The following SNIP1 variants were observed in gnomAD, a reference collection of about 807,000 sequenced individuals.
The protein encoded by SNIP1 is Smad nuclear interacting protein 1.
In SNIP1, 23 loss-of-function variants were observed where a neutral mutation model predicts 37.4. The observed-to-expected ratio is 0.61, with a 90% confidence interval of 0.44 to 0.87. SNIP1 has a LOEUF of 0.87. SNIP1 is among the 40% of genes least tolerant of loss of function. SNIP1 has a pLI of 0.00. For synonymous variants in SNIP1, 174 were observed against 200.0 expected (o/e 0.87, Z 1.10); for missense variants, 459 against 540.4 (o/e 0.85, Z 1.49).
In SNIP1 at chr1:37,537,820, C is replaced by T. The variant is rs570205503; in HGVS notation, c.1119G>A (p.Ser373=). The T allele has an allele frequency of 4.2e-5, 68 of 1,614,180 alleles. 1 individual carries two copies. Among genetic ancestry groups the T allele is most frequent in the African/African-American group, 3.3e-4 (25 of 75,052 alleles). The change falls in exon 4 of 4, where the codon TCG becomes TCA. Residue 373 remains serine, a synonymous_variant. Transcript: ENST00000296215. Reference sequence around the variant, plus strand: ...TCCTGTCTATTTCAGAAGTGTCCGACGACTCATGGAGCAAGACGTATTCTC... The same window carrying T: ...TCCTGTCTATTTCAGAAGTGTCCGATGACTCATGGAGCAAGACGTATTCTC... ...SSREYVLLHE[S]SDTSEIDRKD... is the part of the protein sequence containing the mutation.
At position 37,535,280 on chromosome 1, in the gene SNIP1, T is replaced by C. The variant is rs1386662426; in HGVS notation, c.*2468A>G. 4 of 127,468 alleles carry C rather than the reference T, an allele frequency of 3.1e-5. No individual in the cohort carries two copies. Among genetic ancestry groups the C allele is most frequent in the Admixed American group, 2.4e-4 (3 of 12,540 alleles). The allele number at this position is 127,468 out of a possible 1,614,324, so 7.9% of individuals were successfully genotyped here. On this transcript the variant is annotated 3_prime_UTR_variant, in exon 4 of 4. Transcript: ENST00000296215. Reference sequence around the variant, plus strand: ...GGTGACAGGTGCCTGTAGTCCCAGCTACTTGGGAGGCTGAGGCAGGAGAAT... The same window carrying C: ...GGTGACAGGTGCCTGTAGTCCCAGCCACTTGGGAGGCTGAGGCAGGAGAAT...
intron 3 of SNIP1, among the ~76,000 whole-genome samples, chr1:37,538,598 A>G (rs1309659591): frequency 6.6e-6 from 1 of 152,044 alleles, no homozygotes. Flanking sequence ...GCAGAATCCA[A>G]TGTCTCTTGC....
chr1:37,544,688 T>C, intron 2 of SNIP1: 1 of 570,846 alleles, frequency 1.8e-6, no homozygotes, highest in Non-Finnish European at 3.3e-6. Flanking sequence ...CACTGGGCCC[T>C]CTGACTGTCC....
chr1:37,552,870 A>G, intron 1 of SNIP1, 123 bp from the exon 2 acceptor site: 1 of 775,550 alleles, frequency 1.3e-6, no homozygotes, highest in Non-Finnish European at 2.3e-6. Context: ...TGCCGGTCAC[A>G]TTAAAGGAGT....
rs950749390 is a variant in SNIP1, at chr1:37,537,778, C to T, written c.1161G>A (p.Glu387=). ...SEIDRKDDED[E]EEEEEVSDS is the part of the protein sequence containing the mutation. Reference sequence around the variant, plus strand: ...TGTCAGACACTTCTTCCTCCTCCTCCTCATCCTCGTCATCTTTCCTGTCTA... The same window carrying T: ...TGTCAGACACTTCTTCCTCCTCCTCTTCATCCTCGTCATCTTTCCTGTCTA... Residue 387 remains glutamate, a synonymous_variant, in exon 4 of 4, where the codon GAG becomes GAA. Transcript: ENST00000296215. 2.5e-6 allele frequency: 4 copies of T among 1,613,946 alleles called. No individual in the cohort carries two copies. The African/African-American group carries it at 5.3e-5, about 22-fold the overall frequency.
intron 2 of SNIP1, among the ~76,000 whole-genome samples, chr1:37,551,415 T>G (rs1643300802): frequency 1.3e-5 from 2 of 152,176 alleles, no homozygotes; most frequent in South Asian, 4.1e-4. Context: ...CTGGTGGGAA[T>G]ATAAAATGAT....
At chr1:37,544,540 C>G (rs998100969) in intron 2 of SNIP1, among the ~76,000 whole-genome samples, 2 of 151,854 alleles carry the variant, frequency 1.3e-5, no homozygotes, top group Non-Finnish European at 2.9e-5. Flanking sequence ...GTTGTGTATT[C>G]TTGTTTCAAA....
Position 37,540,157 on chromosome 1 carries a change from C to A in SNIP1, c.926G>T (p.Arg309Leu), listed in dbSNP as rs150740046. Residue 309 changes from arginine (R) to leucine (L), a missense_variant and splice_region_variant, in exon 3 of 4, where the codon CGG becomes CTG. By Grantham distance (102) the Arg-to-Leu change is moderately radical (BLOSUM62 -2). Coordinates refer to ENST00000296215, the MANE Select transcript of SNIP1 (RefSeq NM_024700.4). The surrounding 1 kb of genome is among the most constrained non-coding windows in gnomAD (Gnocchi z 5.6). ...CAGTTTCTTCCTCCATGTTACTTACCGATATTGAAAGACCGCATGCTGCTT... is the reference window on the plus strand; with the variant it reads ...CAGTTTCTTCCTCCATGTTACTTACAGATATTGAAAGACCGCATGCTGCTT... ...CSKQHAVFQY[R>L]LVEYTRADGT... is the part of the protein sequence containing the mutation. 1 of 1,573,374 alleles carries A rather than the reference C, an allele frequency of 6.4e-7. No homozygotes were observed. Among genetic ancestry groups the A allele is most frequent in the Non-Finnish European group, 8.7e-7 (1 of 1,154,458 alleles).
At chr1:37,541,999 T>G (rs1180576428) in intron 2 of SNIP1, among the ~76,000 whole-genome samples, 1 of 151,662 alleles carries the variant, frequency 6.6e-6, no homozygotes, top group Non-Finnish European at 1.5e-5. Flanking sequence ...AATATATGAT[T>G]TGAAAAGTTT....
intron 3 of SNIP1, among the ~76,000 whole-genome samples, chr1:37,539,511 A>C (rs1570017863): frequency 6.6e-6 from 1 of 152,196 alleles, no homozygotes; most frequent in Non-Finnish European, 1.5e-5. Context: ...GGAGTTCGAG[A>C]CCAGCCTGGC....
rs1643115101 is a variant in SNIP1 at position 37,537,681 on chromosome 1, G to A, written c.*67C>T. 1.3e-6 allele frequency: 2 copies of A among 1,537,056 alleles called. No homozygotes were observed. The highest frequency in any genetic ancestry group is 2.7e-5 in the African/African-American group (2 of 73,198). On this transcript the variant is annotated 3_prime_UTR_variant, in exon 4 of 4. Transcript: ENST00000296215. Reference sequence around the variant, plus strand: ...ATAGTGCTGGACCCACCACCATAGTGCTCTCTGAGTCAATCAAAGACTTCC... The same window carrying A: ...ATAGTGCTGGACCCACCACCATAGTACTCTCTGAGTCAATCAAAGACTTCC...
intron 1 of SNIP1, among the ~76,000 whole-genome samples, chr1:37,552,995 A>G (rs772012944): frequency 6.6e-6 from 1 of 152,102 alleles, no homozygotes; most frequent in Non-Finnish European, 1.5e-5. Flanking sequence ...CAACCCTTCA[A>G]AAACCTTTCC....
chr1:37,540,680 C>T lies in SNIP1; in HGVS notation c.403G>A (p.Ala135Thr). The T allele has an allele frequency of 1.2e-6, 2 of 1,614,108 alleles. No homozygotes were observed. The highest frequency in any genetic ancestry group is 1.7e-6 in the Non-Finnish European group (2 of 1,180,028). ...TGTCTGTCCCGGTCACTGTTCCTAGCTCTCCTGTGTTCCTGTTCTGATGGT... is the reference window on the plus strand; with the variant it reads ...TGTCTGTCCCGGTCACTGTTCCTAGTTCTCCTGTGTTCCTGTTCTGATGGT... Reference protein sequence around the residue: ...REPSEQEHRRARNSDRDRHRG... With the variant: ...REPSEQEHRRTRNSDRDRHRG... The change falls in exon 3 of 4, where the codon GCT (alanine) becomes ACT (threonine). Residue 135 changes from alanine (A) to threonine (T), a missense_variant. Transcript: ENST00000296215. This position sits in a 1 kb window ranked among gnomAD's most constrained non-coding sequence, Gnocchi z 5.6.
chr1:37,547,156 C>A (rs972168152), intron 2 of SNIP1, among the ~76,000 whole-genome samples: 1 of 152,144 alleles, frequency 6.6e-6, no homozygotes, highest in Non-Finnish European at 1.5e-5. Context: ...AGGGTCACTG[C>A]AGATGTAATA....
chr1:37,544,446 C>CAA (rs11374263), intron 2 of SNIP1, among the ~76,000 whole-genome samples: 2,100 of 93,786 alleles, frequency 0.022, 55 homozygotes, highest in African/African-American at 0.029. Flanking sequence ...GACTCTGTCT[C>CAA]AAAAAAAAAA....
chr1:37,541,438 G>A (rs1056847323), intron 2 of SNIP1: 1 of 152,096 alleles, frequency 6.6e-6, no homozygotes, highest in African/African-American at 2.4e-5. Flanking sequence ...CGAGGCGGGT[G>A]GATCACCTGA....
At chr1:37,549,314 G>C (rs1186093713) in intron 2 of SNIP1, among the ~76,000 whole-genome samples, 1 of 151,996 alleles carries the variant, frequency 6.6e-6, no homozygotes, top group South Asian at 2.1e-4. Flanking sequence ...TAAATAAAAG[G>C]GGAGATACAC....
intron 2 of SNIP1, chr1:37,544,987 A>C: frequency 1.3e-6 from 1 of 770,838 alleles, no homozygotes; most frequent in East Asian, 2.4e-5. Flanking sequence ...GAGGTGGCTG[A>C]ATCTTCTTCC....
At position 37,537,902 on chromosome 1, in the gene SNIP1, G is replaced by A; in HGVS notation, c.1037C>T (p.Pro346Leu). The change falls in exon 4 of 4, where the codon CCA (proline) becomes CTA (leucine). Residue 346 changes from proline to leucine, a missense_variant. Transcript: ENST00000296215. ...GTFLNNKRIE[P>L]QRYYELKEKD... ...TTCTTTTAGTTCATAGTATCTCTGT[G>A]GCTCAATACGTTTGTTGTTTAAGAA... 1.2e-6 allele frequency: 2 copies of A among 1,614,130 alleles called. No homozygotes were observed. The highest frequency in any genetic ancestry group is 8.5e-7 in the Non-Finnish European group (1 of 1,180,048).
Sources: allele counts gnomAD v4.1 joint callset (sites outside exome capture counted in the v4.1 genomes callset), GRCh38; gene constraint gnomAD v4.1.1; non-coding constraint Gnocchi (gnomAD v3.1); transcripts MANE v1.5; gene names NCBI Gene and HGNC (gene_info 2026-07-23, HGNC 2026-07-21).